ACSBG1: variants seen among roughly 807,000 people sequenced by gnomAD.
ACSBG1 encodes acyl-CoA synthetase bubblegum family member 1, also known as long-chain-fatty-acid--CoA ligase ACSBG1.
ACSBG1 carries 39 observed loss-of-function variants against 80.2 expected under a neutral mutation model. The observed-to-expected ratio is 0.49, with a 90% confidence interval of 0.38 to 0.64. The LOEUF (loss-of-function observed/expected upper bound fraction) is 0.64. ACSBG1 is among the 30% of genes least tolerant of loss of function. The pLI, the probability that ACSBG1 is intolerant of heterozygous loss-of-function variation, is 0.00. For synonymous variants in ACSBG1, 392 were observed against 379.5 expected (o/e 1.03, Z -0.38); for missense variants, 828 against 966.4 (o/e 0.86, Z 1.90).
chr15:78,184,379 C>T (rs561919573), intron 5 of ACSBG1, among the ~76,000 whole-genome samples: 2 of 151,878 alleles, frequency 1.3e-5, no homozygotes, highest in Admixed American at 6.6e-5. Flanking sequence ...AGGGGGGTCT[C>T]ACTATGTTGC....
Position 78,178,511 on chromosome 15 carries a change from A to G in ACSBG1, c.1702+103T>C. ...GAGATGGGGTTTCGCTGTGCTGCCC[A>G]GGGTGGTCTTGAACTCCTGAGCTCA... On this transcript the variant is annotated intron_variant, in intron 11 of 13. Transcript: ENST00000258873. This position sits in a 1 kb window ranked among gnomAD's most constrained non-coding sequence, Gnocchi z 4.3. The G allele has an allele frequency of 1.6e-6, 2 of 1,288,308 alleles. No homozygotes were observed. Among genetic ancestry groups the G allele is most frequent in the Non-Finnish European group, 2.1e-6 (2 of 951,722 alleles). 79.8% of individuals were successfully genotyped at this position (1,288,308 alleles called of 1,614,324 possible). A position where few individuals can be genotyped will look rare whatever the true frequency, so the allele number is the denominator to read the frequency against.
In ACSBG1 at chr15:78,182,632, G is replaced by T; in HGVS notation, c.745-17C>A. On this transcript the variant is annotated splice_polypyrimidine_tract_variant and intron_variant, in intron 6 of 13. Transcript: ENST00000258873. ...TTCCTCCATCTGTAGCCAGATGCAG[G>T]GAGCAGGCAGGCTAGGTCAGCTGGG... is the stretch of plus-strand genomic sequence containing the variant. The T allele has an allele frequency of 6.2e-7, 1 of 1,613,842 alleles. No individual in the cohort carries two copies. Among genetic ancestry groups the T allele is most frequent in the East Asian group, 2.2e-5 (1 of 44,876 alleles).
chr15:78,231,341 G>C (rs1211319353), intron 1 of ACSBG1, among the ~76,000 whole-genome samples: 1 of 151,756 alleles, frequency 6.6e-6, no homozygotes, highest in Non-Finnish European at 1.5e-5. Context: ...ATGTGGGTCA[G>C]GCTGGTCTCG....
chr15:78,193,178 C>A (rs1382522314), intron 5 of ACSBG1, among the ~76,000 whole-genome samples: 1 of 152,186 alleles, frequency 6.6e-6, no homozygotes, highest in African/African-American at 2.4e-5. Flanking sequence ...CCTTCCACTG[C>A]CAGAGGACCC....
At chr15:78,198,806 A>G (rs2075139393) in intron 2 of ACSBG1, among the ~76,000 whole-genome samples, 1 of 152,236 alleles carries the variant, frequency 6.6e-6, no homozygotes, top group South Asian at 2.1e-4. Flanking sequence ...TTTATGAAAA[A>G]TAAGGTGGCA....
chr15:78,190,365 G>A (rs1163329638), intron 5 of ACSBG1, among the ~76,000 whole-genome samples: 2 of 150,522 alleles, frequency 1.3e-5, no homozygotes, highest in African/African-American at 4.9e-5. Context: ...CTTTCTTTTT[G>A]TTTTTTTAAG....
chr15:78,177,815 T>A lies in ACSBG1; in HGVS notation c.1702+799A>T, dbSNP rs770738592. On this transcript the variant is annotated intron_variant, in intron 11 of 13. Transcript: ENST00000258873. The surrounding 1 kb of genome is among the most constrained non-coding windows in gnomAD (Gnocchi z 4.1). ...TCCCCCATGAAGCCCTGGTGCAGGA[T>A]TCCCACGTGGATGCTGCGGGCATGA... Among the ~76,000 whole-genome samples the A allele has an allele frequency of 6.6e-6, 1 of 152,170 alleles. No homozygotes were observed. The highest frequency in any genetic ancestry group is 1.5e-5 in the Non-Finnish European group (1 of 68,012).
At chr15:78,191,668 T>G (rs574884624) in intron 5 of ACSBG1, among the ~76,000 whole-genome samples, 1 of 152,308 alleles carries the variant, frequency 6.6e-6, no homozygotes, top group South Asian at 2.1e-4. Context: ...CATCAAGGGA[T>G]GCTAAAACCA....
chr15:78,194,039 C>T lies in ACSBG1; in HGVS notation c.454-19G>A. On this transcript the variant is annotated intron_variant, in intron 3 of 13. Coordinates refer to ENST00000258873, the MANE Select transcript of ACSBG1 (RefSeq NM_015162.5). ...GGCCGAGCTCCAGGTCAAAGGCAGA[C>T]AGGCCAGGTCAGCCGGGCAGGGACT... is the stretch of plus-strand genomic sequence containing the variant. The T allele has an allele frequency of 6.2e-7, 1 of 1,613,250 alleles. No individual in the cohort carries two copies. The highest frequency in any genetic ancestry group is 1.1e-5 in the South Asian group (1 of 91,058).
intron 5 of ACSBG1, 47 bp downstream of exon 5, chr15:78,193,459 G>A (rs773180577): frequency 3.8e-6 from 6 of 1,570,036 alleles, no homozygotes; most frequent in Non-Finnish European, 5.2e-6. Flanking sequence ...GGAGGTGCAT[G>A]GGGATACCCA....
intron 5 of ACSBG1, 83 bp downstream of exon 5, chr15:78,193,423 C>T (rs1046588893): frequency 4.6e-5 from 71 of 1,530,686 alleles, no homozygotes; most frequent in Middle Eastern, 1.8e-4. Context: ...GGATGGAGGG[C>T]GGGAAGGTTC....
At position 78,208,049 on chromosome 15, in the gene ACSBG1, T is replaced by A; in HGVS notation, c.185A>T (p.Glu62Val). The A allele has an allele frequency of 5.6e-6, 9 of 1,613,338 alleles. No homozygotes were observed. The highest frequency in any genetic ancestry group is 7.6e-6 in the Non-Finnish European group (9 of 1,179,676). The stretch of plus-strand genomic sequence containing the variant: ...ATTCACCTTCTCTGGCACTGAGAGC[T>A]CGAGAGCATGGTTCAGGGACTCTTT... ...LSKESLNHAL[E>V]LSVPEKVNNA... The change falls in exon 2 of 14, where the codon GAG becomes GTG. Residue 62 changes from glutamate to valine, a missense_variant. Glu to Val is a moderately radical substitution (Grantham distance 121). Coordinates refer to ENST00000258873, the MANE Select transcript of ACSBG1 (RefSeq NM_015162.5).
chr15:78,181,207 T>C (rs9972613), intron 8 of ACSBG1: 227,523 of 431,768 alleles, frequency 0.53, 61,922 homozygotes, highest in African/African-American at 0.7. Context: ...GAGTCTAACT[T>C]AGACACAAGA....
intron 1 of ACSBG1, among the ~76,000 whole-genome samples, chr15:78,225,438 T>TAA (rs1439385798): frequency 0.01 from 1,333 of 131,200 alleles, 21 homozygotes; most frequent in African/African-American, 0.033. Context: ...TAAATAAAAA[T>TAA]AAATTAAAAA....
chr15:78,173,042 T>A (rs2074841780), intron 13 of ACSBG1, among the ~76,000 whole-genome samples: 1 of 152,198 alleles, frequency 6.6e-6, no homozygotes, highest in Non-Finnish European at 1.5e-5. Context: ...CATGTTCAGA[T>A]TAGAAAGTTC....
intron 1 of ACSBG1, among the ~76,000 whole-genome samples, chr15:78,224,485 C>A (rs1328049314): frequency 6.6e-6 from 1 of 151,978 alleles, no homozygotes; most frequent in Admixed American, 6.6e-5. Flanking sequence ...TTTGGGAGGC[C>A]AAGGCAGGCA....
At chr15:78,179,305 G>C (rs1054245803) in intron 10 of ACSBG1, among the ~76,000 whole-genome samples, 1 of 152,178 alleles carries the variant, frequency 6.6e-6, no homozygotes, top group Non-Finnish European at 1.5e-5. Context: ...GGGCTATGCA[G>C]GCTGTTTTCA....
intron 1 of ACSBG1, among the ~76,000 whole-genome samples, chr15:78,215,756 A>AAG (rs750313086): frequency 2.7e-5 from 4 of 150,488 alleles, no homozygotes; most frequent in African/African-American, 9.8e-5. Flanking sequence ...GAAAGAAAGA[A>AAG]AGAAAGAAAG....
At chr15:78,216,719 G>T (rs2075314930) in intron 1 of ACSBG1, among the ~76,000 whole-genome samples, 1 of 152,100 alleles carries the variant, frequency 6.6e-6, no homozygotes, top group African/African-American at 2.4e-5. Context: ...AACCCCCAAG[G>T]CTCATCTCAG....
Sources: gnomAD v4.1 joint callset for allele counts (sites outside exome capture counted in the v4.1 genomes callset) on GRCh38, gnomAD v4.1.1 for gene constraint, Gnocchi (gnomAD v3.1) non-coding constraint, MANE v1.5 for transcripts, NCBI Gene and HGNC (gene_info 2026-07-23, HGNC 2026-07-21) for gene names.